HIVEP1: variants seen among roughly 807,000 people sequenced by gnomAD.
HIVEP1 encodes zinc finger protein 40.
HIVEP1 carries 36 observed loss-of-function variants against 180.0 expected under a neutral mutation model. The observed-to-expected ratio is 0.20, with a 90% CI of 0.15 to 0.26. HIVEP1 has a LOEUF of 0.26. Among genes scored for constraint, HIVEP1 ranks in the 10% least tolerant of loss-of-function variants. HIVEP1 has a pLI of 1.00. For missense variants in HIVEP1, 3,143 were observed against 3,268.7 expected, an observed-to-expected ratio of 0.96 and a Z score of 0.94; for synonymous variants, 1,239 against 1,239.0, an observed-to-expected ratio of 1.00 and a Z score of 0.00.
Position 12,118,233 on chromosome 6 carries a change from T to A in HIVEP1, c.95-1657T>A, listed in dbSNP as rs1332654393. 2.6e-5 allele frequency among the ~76,000 whole-genome samples: 4 copies of A among 152,168 alleles called. No homozygotes were observed. In the South Asian group the frequency reaches 6.2e-4, roughly 24 times the overall value. On this transcript the variant is annotated intron_variant, in intron 3 of 8. Transcript: ENST00000379388. ...TATGATATGAGAGCATATAAACTGA[T>A]GTCACAATATTACTAGAATATTTCT...
At chr6:12,189,116 T>C in the HIVEP1 span, among the ~76,000 whole-genome samples, 1 of 151,982 alleles carries the variant, frequency 6.6e-6, no homozygotes, top group South Asian at 2.1e-4. Flanking sequence ...TGGAGTGTTT[T>C]AACAGCCAAT....
chr6:12,129,674 C>A, intron 4 of HIVEP1, 85 bp from the exon 5 acceptor site: 1 of 1,105,966 alleles, frequency 9.0e-7, no homozygotes, highest in Non-Finnish European at 1.4e-6. Flanking sequence ...GCTCTGTACT[C>A]TGCCATGTTT....
intron 2 of HIVEP1, among the ~76,000 whole-genome samples, chr6:12,021,790 G>A (rs1050635758): frequency 2.0e-5 from 3 of 151,600 alleles, no homozygotes; most frequent in Admixed American, 1.3e-4. Context: ...CTCAGCCTCC[G>A]GAGTAGCTGG....
chr6:12,045,602 T>G (rs1561884567), intron 2 of HIVEP1, among the ~76,000 whole-genome samples: 1 of 152,202 alleles, frequency 6.6e-6, no homozygotes, highest in Non-Finnish European at 1.5e-5. Flanking sequence ...CATGTTGAGT[T>G]AATGCTTGGT....
chr6:12,181,172 A>C, the HIVEP1 span, among the ~76,000 whole-genome samples: 2 of 152,052 alleles, frequency 1.3e-5, no homozygotes. Context: ...CATCCTGGCT[A>C]ACATGGTGAA....
chr6:12,015,047 C>G (rs1270082380), intron 1 of HIVEP1, among the ~76,000 whole-genome samples: 1 of 152,212 alleles, frequency 6.6e-6, no homozygotes, highest in Non-Finnish European at 1.5e-5. Flanking sequence ...TCACACGTTC[C>G]TGGGAAACAC....
At chr6:12,016,832 G>C (rs1409286) in intron 2 of HIVEP1, among the ~76,000 whole-genome samples, 66,306 of 152,038 alleles carry the variant, frequency 0.44, 16,486 homozygotes, top group Non-Finnish European at 0.56. Context: ...ACTCCCTAGA[G>C]ACTCACTCTC....
In HIVEP1 at chr6:12,038,019, G is replaced by T. The variant is rs554722384; in HGVS notation, c.40+22351G>T. 1.4e-3 allele frequency: 515 copies of T among 360,106 alleles called. 1 individual carries two copies. Among genetic ancestry groups the T allele is most frequent in the Non-Finnish European group, 2.0e-3 (403 of 203,256 alleles). The allele number at this position is 360,106 out of a possible 1,614,324, so 22.3% of individuals were successfully genotyped here. A position where few individuals can be genotyped will look rare whatever the true frequency, so the allele number is the denominator to read the frequency against. On this transcript the variant is annotated intron_variant, in intron 2 of 8. Coordinates refer to ENST00000379388, the MANE Select transcript of HIVEP1 (RefSeq NM_002114.4). ...CATGAGCCACCGCACCTAGTCTGTG[G>T]TTTTTCTTCTTCTTATTTTTAAACA...
Position 12,081,932 on chromosome 6 carries a change from C to G in HIVEP1, c.41-7252C>G, listed in dbSNP as rs543027478. Among the ~76,000 whole-genome samples the G allele has an allele frequency of 5.9e-4, 90 of 152,260 alleles. 1 individual carries two copies. The highest frequency in any genetic ancestry group is 5.9e-5 in the Non-Finnish European group (4 of 68,006). The stretch of plus-strand genomic sequence containing the variant: ...CTTCGGGAAACACCACCAGTGGCCT[C>G]TTAATCACTGCATTCATAGGAAGCT... On this transcript the variant is annotated intron_variant, in intron 2 of 8. Transcript: ENST00000379388.
chr6:12,082,820 GCA>G (rs1473166096), intron 2 of HIVEP1, among the ~76,000 whole-genome samples: 1 of 152,090 alleles, frequency 6.6e-6, no homozygotes, highest in Non-Finnish European at 1.5e-5. Flanking sequence ...CTTAGTGCCG[GCA>G]CACAGGAGCT....
intron 7 of HIVEP1, among the ~76,000 whole-genome samples, chr6:12,160,735 C>T (rs1760344920): frequency 6.6e-6 from 1 of 152,166 alleles, no homozygotes; most frequent in African/African-American, 2.4e-5. Flanking sequence ...GACTGCCTGT[C>T]CACGGTTAAG....
chr6:12,142,665 A>G (rs1759121150), intron 7 of HIVEP1, among the ~76,000 whole-genome samples: 2 of 152,234 alleles, frequency 1.3e-5, no homozygotes, highest in Admixed American at 1.3e-4. Context: ...AAAAGAGAGA[A>G]GAATCAAACA....
In HIVEP1 at chr6:12,164,770, C is replaced by A; in HGVS notation, c.*309C>A. On this transcript the variant is annotated 3_prime_UTR_variant, in exon 9 of 9. Coordinates refer to ENST00000379388, the MANE Select transcript of HIVEP1 (RefSeq NM_002114.4). ...GTTATTTGTGTTTAGTAAGGAAAAC[C>A]TGTCAAATAAATCAAATGATTAAAT... 1 of 188,618 alleles carries A rather than the reference C, an allele frequency of 5.3e-6. No individual in the cohort carries two copies. The highest frequency in any genetic ancestry group is 5.7e-5 in the Admixed American group (1 of 17,486). 11.7% of individuals were successfully genotyped at this position (188,618 alleles called of 1,614,324 possible). A position where few individuals can be genotyped will look rare whatever the true frequency, so the allele number is the denominator to read the frequency against.
At chr6:12,144,555 C>A (rs1236171827) in intron 7 of HIVEP1, among the ~76,000 whole-genome samples, 1 of 151,826 alleles carries the variant, frequency 6.6e-6, no homozygotes, top group African/African-American at 2.4e-5. Flanking sequence ...TAAAGAGCTT[C>A]TGCACGAAAC....
chr6:12,118,143 T>G lies in HIVEP1; in HGVS notation c.95-1747T>G, dbSNP rs111799030. On this transcript the variant is annotated intron_variant, in intron 3 of 8. Coordinates refer to ENST00000379388, the MANE Select transcript of HIVEP1 (RefSeq NM_002114.4). ...TTTTAGTTATGAGACCCCCTTTTGT[T>G]TTTTTTTTTATTATGGTGGGTAAAT... Among the ~76,000 whole-genome samples the G allele has an allele frequency of 2.0e-4, 17 of 85,936 alleles. 1 individual carries two copies. In the South Asian group the frequency reaches 2.7e-3, roughly 14 times the overall value. 56.4% of individuals were successfully genotyped at this position (85,936 alleles called of 152,430 possible).
At chr6:12,105,905 A>G (rs1355083372) in intron 3 of HIVEP1, among the ~76,000 whole-genome samples, 1 of 151,990 alleles carries the variant, frequency 6.6e-6, no homozygotes, top group Admixed American at 6.5e-5. Flanking sequence ...ATCTGTTTCT[A>G]CTTTATCATC....
rs1757982583 is a variant in HIVEP1 at position 12,125,184 on chromosome 6, A to G, written c.5389A>G (p.Ile1797Val). The change falls in exon 4 of 9, where the codon ATT becomes GTT. Residue 1797 changes from isoleucine (I) to valine (V), a missense_variant. By Grantham distance (29) the Ile-to-Val change is conservative. Transcript: ENST00000379388. ...VNEASKQKKP[I>V]LVRQVCTTEP... The stretch of plus-strand genomic sequence containing the variant: ...TGAAGCTAGTAAACAGAAGAAGCCT[A>G]TTTTAGTGAGACAGGTTTGTACTAC... 1.2e-6 allele frequency: 2 copies of G among 1,614,168 alleles called. No homozygotes were observed. Among genetic ancestry groups the G allele is most frequent in the Non-Finnish European group, 1.7e-6 (2 of 1,180,014 alleles).
chr6:12,181,249 A>G, the HIVEP1 span, among the ~76,000 whole-genome samples: 1 of 151,866 alleles, frequency 6.6e-6, no homozygotes, highest in Admixed American at 6.6e-5. Flanking sequence ...AGTCCCAGCT[A>G]CTCGGGAGGC....
intron 2 of HIVEP1, among the ~76,000 whole-genome samples, chr6:12,048,894 G>C (rs1770312129): frequency 6.6e-6 from 1 of 152,088 alleles, no homozygotes; most frequent in Non-Finnish European, 1.5e-5. Context: ...AAGCCTCAGA[G>C]TGTTTATGTG....
Sources: allele counts gnomAD v4.1 joint callset (sites outside exome capture counted in the v4.1 genomes callset), GRCh38; gene constraint gnomAD v4.1.1; transcripts MANE v1.5; gene names NCBI Gene and HGNC (gene_info 2026-07-23, HGNC 2026-07-21).